The following ABHD12B variants were observed in gnomAD, a reference collection of about 807,000 sequenced individuals.
ABHD12B encodes the protein protein ABHD12B.
A neutral mutation model predicts 50.4 loss-of-function variants in ABHD12B; 42 were observed. That is an observed-to-expected ratio of 0.83 (90% confidence interval 0.65 to 1.08). ABHD12B has a LOEUF of 1.08. ABHD12B is among the 50% of genes least tolerant of loss of function. The pLI is 0.00. For missense variants in ABHD12B, 479 were observed against 447.7 expected, an observed-to-expected ratio of 1.07 and a Z score of -0.63; for synonymous variants, 167 against 160.3, an observed-to-expected ratio of 1.04 and a Z score of -0.32.
rs781444967 is a variant in ABHD12B, at chr14:50,885,597, G to GCTCCTTTGTTACCTAGGTGCTGAGT, written c.487-16_495dup. The GCTCCTTTGTTACCTAGGTGCTGAGT allele has an allele frequency of 5.0e-6, 8 of 1,614,146 alleles. No individual in the cohort carries two copies. In the African/African-American group the frequency reaches 1.1e-4, roughly 22 times the overall value. ...TCATCTTCTAATTAAAGTGATAACAGCTCCTTTGTTACCTAGGTGCTGAGT... is the reference window on the plus strand; with the variant it reads ...TCATCTTCTAATTAAAGTGATAACAGCTCCTTTGTTACCTAGGTGCTGAGTCTCCTTTGTTACCTAGGTGCTGAGT... On this transcript the variant is annotated splice_polypyrimidine_tract_variant and intron_variant, in intron 5 of 12. Coordinates refer to ENST00000337334, the MANE Select transcript of ABHD12B (RefSeq NM_001206673.2).
Position 50,901,888 on chromosome 14 carries a change from AAT to A in ABHD12B, c.842_843del (p.Ile281AsnfsTer4), listed in dbSNP as rs748345798. 6.3e-7 allele frequency: 1 copy of A among 1,598,380 alleles called. No homozygotes were observed. Among genetic ancestry groups the A allele is most frequent in the South Asian group, 1.1e-5 (1 of 88,220 alleles). Reference protein sequence around the residue: ...TLMDALRKDKIIFPNDENVKF... With the variant: ...TLMDALRKDKXIFPNDENVKF... ...TTATGGATGCCCTGAGAAAAGACAA[AAT>A]AATCTTTCCTAATGATGAAAAGTAA... is the stretch of plus-strand genomic sequence containing the variant. On this transcript the variant is annotated frameshift_variant, in exon 10 of 13. Coordinates refer to ENST00000337334, the MANE Select transcript of ABHD12B (RefSeq NM_001206673.2). LOFTEE classifies it high-confidence loss of function.
chr14:50,898,778 G>C (rs1004680043), intron 9 of ABHD12B, among the ~76,000 whole-genome samples: 3 of 152,190 alleles, frequency 2.0e-5, no homozygotes, highest in Non-Finnish European at 4.4e-5. Flanking sequence ...CCTTAGCATG[G>C]AAGAGGAGGG....
intron 9 of ABHD12B, among the ~76,000 whole-genome samples, chr14:50,890,495 A>G (rs2050102942): frequency 6.6e-6 from 1 of 152,202 alleles, no homozygotes; most frequent in African/African-American, 2.4e-5. Flanking sequence ...TTATTTATAG[A>G]GTTACCACCT....
intron 9 of ABHD12B, among the ~76,000 whole-genome samples, chr14:50,890,332 G>T (rs2050100765): frequency 6.6e-6 from 1 of 152,146 alleles, no homozygotes; most frequent in Admixed American, 6.6e-5. Flanking sequence ...GAACACCCAT[G>T]TAACTATTAC....
intron 3 of ABHD12B, among the ~76,000 whole-genome samples, 163 bp from the exon 4 acceptor site, chr14:50,880,289 A>T (rs2049921166): frequency 6.6e-6 from 1 of 152,204 alleles, no homozygotes; most frequent in Admixed American, 6.5e-5. Context: ...GGTTCTCGTC[A>T]TAAGACTTTT....
chr14:50,872,738 G>A (rs1162212675), intron 1 of ABHD12B, among the ~76,000 whole-genome samples: 1 of 152,146 alleles, frequency 6.6e-6, no homozygotes, highest in Non-Finnish European at 1.5e-5. Flanking sequence ...CAGAAAATCC[G>A]TGCCTAGTTC....
chr14:50,878,139 A>G (rs1401587569), intron 2 of ABHD12B, 60 bp downstream of exon 2: 1 of 1,381,232 alleles, frequency 7.2e-7, no homozygotes, highest in African/African-American at 1.5e-5. Flanking sequence ...AGACCTCAGT[A>G]CCCTTAAAGT....
At chr14:50,881,926 GGT>G (rs2049956026) in intron 5 of ABHD12B, among the ~76,000 whole-genome samples, 3 of 151,468 alleles carry the variant, frequency 2.0e-5, no homozygotes, top group Middle Eastern at 3.5e-3. Flanking sequence ...GGTTGAGAGA[GGT>G]TTTTTTTGTT....
intron 8 of ABHD12B, among the ~76,000 whole-genome samples, chr14:50,888,332 T>A (rs1373459028): frequency 6.6e-6 from 1 of 151,784 alleles, no homozygotes; most frequent in African/African-American, 2.4e-5. Context: ...GCCTCTCGAG[T>A]AGCTGGGACT....
intron 12 of ABHD12B, 30 bp from the exon 13 acceptor site, chr14:50,904,300 GGGAAAGGGT>G: frequency 6.2e-7 from 1 of 1,614,062 alleles, no homozygotes; most frequent in Non-Finnish European, 8.5e-7. Flanking sequence ...TATTTAGGTA[GGGAAAGGGT>G]GTGAGCTGAT....
rs1158319333 is a variant in ABHD12B, at chr14:50,896,219, A to G, written c.781-5610A>G. Among the ~76,000 whole-genome samples the G allele has an allele frequency of 4.6e-5, 7 of 152,292 alleles. No homozygotes were observed. The East Asian group carries it at 1.4e-3, about 29-fold the overall frequency. On this transcript the variant is annotated intron_variant, in intron 9 of 12. Coordinates refer to ENST00000337334, the MANE Select transcript of ABHD12B (RefSeq NM_001206673.2). ...TAAAGCCTGTTATCACTCACCTGCT[A>G]CAGCATGGCCTTTTAAAGCCTATAA...
At chr14:50,887,719 T>A (rs1411746666) in intron 8 of ABHD12B, among the ~76,000 whole-genome samples, 1 of 152,190 alleles carries the variant, frequency 6.6e-6, no homozygotes, top group African/African-American at 2.4e-5. Flanking sequence ...TTAATCTAAT[T>A]AGAGATTGAG....
intron 7 of ABHD12B, 114 bp from the exon 8 acceptor site, chr14:50,886,533 C>A: frequency 1.1e-6 from 1 of 908,534 alleles, no homozygotes. Context: ...AATTTTGTGT[C>A]TATATGCATT....
chr14:50,878,697 A>G lies in ABHD12B; in HGVS notation c.233-48A>G, dbSNP rs1279929619. 2.0e-6 allele frequency: 3 copies of G among 1,480,340 alleles called. No individual in the cohort carries two copies. The East Asian group carries it at 6.8e-5, about 33-fold the overall frequency. 91.7% of individuals were successfully genotyped at this position (1,480,340 alleles called of 1,614,324 possible). A position where few individuals can be genotyped will look rare whatever the true frequency, so the allele number is the denominator to read the frequency against. ...ATTCCTTTCTTTGATTGTGATTAAAAGGCATGGAATTTGATTCTTGAAGTT... is the reference window on the plus strand; with the variant it reads ...ATTCCTTTCTTTGATTGTGATTAAAGGGCATGGAATTTGATTCTTGAAGTT... On this transcript the variant is annotated intron_variant, in intron 2 of 12. Coordinates refer to ENST00000337334, the MANE Select transcript of ABHD12B (RefSeq NM_001206673.2).
intron 1 of ABHD12B, among the ~76,000 whole-genome samples, chr14:50,874,477 G>C (rs1424862510): frequency 6.6e-6 from 1 of 152,092 alleles, no homozygotes; most frequent in African/African-American, 2.4e-5. Flanking sequence ...GCACATGCCC[G>C]TAGTCCCAGC....
chr14:50,880,602 C>A (rs779667300), intron 4 of ABHD12B, 31 bp downstream of exon 4: 2 of 1,512,830 alleles, frequency 1.3e-6, no homozygotes, highest in South Asian at 1.3e-5. Flanking sequence ...ATTTTTTTTT[C>A]AGGAGATTGA....
At chr14:50,883,039 G>A (rs546441656) in intron 5 of ABHD12B, among the ~76,000 whole-genome samples, 1 of 150,832 alleles carries the variant, frequency 6.6e-6, no homozygotes, top group Non-Finnish European at 1.5e-5. Context: ...AGAGTAGCAT[G>A]GTGGCCACAC....
chr14:50,883,033 T>C (rs567519299), intron 5 of ABHD12B, among the ~76,000 whole-genome samples: 3 of 150,360 alleles, frequency 2.0e-5, no homozygotes, highest in South Asian at 4.2e-4. Context: ...CTTTGTAGAG[T>C]AGCATGGTGG....
chr14:50,888,066 C>T (rs193230532), intron 8 of ABHD12B, among the ~76,000 whole-genome samples: 119 of 152,292 alleles, frequency 7.8e-4, no homozygotes, highest in African/African-American at 2.7e-3. Flanking sequence ...TATATGTATA[C>T]ATACCTTAAC....
Sources: allele counts gnomAD v4.1 joint callset (sites outside exome capture counted in the v4.1 genomes callset), GRCh38; gene constraint gnomAD v4.1.1; transcripts MANE v1.5; gene names NCBI Gene and HGNC (gene_info 2026-07-23, HGNC 2026-07-21).